The following XRN2 variants were observed in gnomAD, a reference collection of about 807,000 sequenced individuals.
XRN2 encodes DHM1-like protein.
A neutral mutation model predicts 138.5 loss-of-function variants in XRN2; 44 were observed. That is an observed-to-expected ratio of 0.32 (90% CI 0.25 to 0.41). The LOEUF (loss-of-function observed/expected upper bound fraction) is 0.41. XRN2 is among the 10% of genes least tolerant of loss of function. The probability of loss-of-function intolerance (pLI) is 1.00; values close to 1 mark genes in which losing one functional copy is unlikely to be tolerated. For missense variants in XRN2, 937 were observed against 1,169.3 expected, an observed-to-expected ratio of 0.80 and a Z score of 2.90; for synonymous variants, 354 against 369.4, an observed-to-expected ratio of 0.96 and a Z score of 0.48.
At chr20:21,359,071 C>T (rs978089786) in intron 24 of XRN2, among the ~76,000 whole-genome samples, 3 of 152,130 alleles carry the variant, frequency 2.0e-5, no homozygotes, top group African/African-American at 4.8e-5. Flanking sequence ...ATAGTTAATT[C>T]TACTTAACTT....
intron 14 of XRN2, among the ~76,000 whole-genome samples, chr20:21,340,011 A>G (rs544243176): frequency 1.4e-3 from 218 of 152,288 alleles, no homozygotes; most frequent in Non-Finnish European, 2.3e-3. Context: ...CTACTTATAT[A>G]TTATTATTTT....
At chr20:21,345,408 T>C (rs931044392) in intron 16 of XRN2, among the ~76,000 whole-genome samples, 1 of 152,178 alleles carries the variant, frequency 6.6e-6, no homozygotes, top group African/African-American at 2.4e-5. Flanking sequence ...ATATTTCTAA[T>C]TGTTATTCTG....
chr20:21,340,512 G>A (rs1013118623), intron 14 of XRN2, among the ~76,000 whole-genome samples: 2 of 152,132 alleles, frequency 1.3e-5, no homozygotes, highest in African/African-American at 4.8e-5. Context: ...GAGTTATTAA[G>A]TATTATAGGC....
chr20:21,374,547 A>T (rs968006647), intron 27 of XRN2, among the ~76,000 whole-genome samples: 2 of 152,086 alleles, frequency 1.3e-5, no homozygotes, highest in African/African-American at 4.8e-5. Flanking sequence ...TTTTTCTCTA[A>T]AACCTGGGGG....
chr20:21,309,943 T>G (rs901765304), intron 1 of XRN2, among the ~76,000 whole-genome samples: 3 of 152,182 alleles, frequency 2.0e-5, no homozygotes, highest in Non-Finnish European at 4.4e-5. Flanking sequence ...TTTTTCTGTT[T>G]TCTATTTCTT....
In XRN2 at chr20:21,330,676, A is replaced by G. The variant is rs370840647; in HGVS notation, c.547A>G (p.Asn183Asp). Residue 183 changes from asparagine (N) to aspartate (D), a missense_variant, in exon 6 of 30, where the codon AAT becomes GAT. Physicochemically the swap from Asn to Asp is conservative, Grantham distance 23. Around this residue, in one of 6 missense-constraint regions of XRN2, gnomAD observed 471 missense variants for 581.2 expected, o/e 0.81. Coordinates refer to ENST00000377191, the MANE Select transcript of XRN2 (RefSeq NM_012255.5). ...CLRYYIADRL[N>D]NDPGWKNLTV... Reference sequence around the variant, plus strand: ...TCGCTATTACATAGCTGATCGTTTAAATAATGACCCTGGGTGGAAAAATTT... The same window carrying G: ...TCGCTATTACATAGCTGATCGTTTAGATAATGACCCTGGGTGGAAAAATTT... 19 of 1,612,826 alleles carry G rather than the reference A, an allele frequency of 1.2e-5. No individual in the cohort carries two copies. Among genetic ancestry groups the G allele is most frequent in the Non-Finnish European group, 1.4e-5 (16 of 1,179,970 alleles).
At chr20:21,370,598 G>C (rs188978247) in intron 27 of XRN2, among the ~76,000 whole-genome samples, 156 of 152,296 alleles carry the variant, frequency 1.0e-3, no homozygotes, top group Non-Finnish European at 1.5e-3. Flanking sequence ...AATATAGCCA[G>C]GGACTGCTTT....
intron 24 of XRN2, among the ~76,000 whole-genome samples, chr20:21,362,340 T>G (rs6035855): frequency 2.6e-5 from 4 of 152,298 alleles, no homozygotes; most frequent in African/African-American, 9.6e-5. Flanking sequence ...ACGCTGGGAT[T>G]TTCTCTTCTC....
chr20:21,370,457 T>G (rs1311094571), intron 27 of XRN2, among the ~76,000 whole-genome samples: 1 of 152,190 alleles, frequency 6.6e-6, no homozygotes, highest in Non-Finnish European at 1.5e-5. Flanking sequence ...TATGAGGAAA[T>G]GATTGCAATT....
chr20:21,386,776 G>A (rs553268083), intron 28 of XRN2, 92 bp from the exon 29 acceptor site: 11 of 1,486,048 alleles, frequency 7.4e-6, no homozygotes, highest in Non-Finnish European at 1.0e-5. Context: ...AAATTGGATT[G>A]TACTAAAATT....
intron 1 of XRN2, chr20:21,303,815 G>C: frequency 1.9e-6 from 2 of 1,070,252 alleles, no homozygotes; most frequent in Non-Finnish European, 2.3e-6. Context: ...CTCGGAAGAG[G>C]TTCAGAGGCT....
chr20:21,361,130 C>T (rs1009722885), intron 24 of XRN2, among the ~76,000 whole-genome samples: 1 of 152,194 alleles, frequency 6.6e-6, no homozygotes, highest in Admixed American at 6.5e-5. Flanking sequence ...AAAAGGTGTT[C>T]TATATTCCAT....
At chr20:21,336,209 C>A (rs2038289759) in intron 13 of XRN2, among the ~76,000 whole-genome samples, 2 of 152,318 alleles carry the variant, frequency 1.3e-5, no homozygotes, top group African/African-American at 4.8e-5. Flanking sequence ...CCTTTAATCC[C>A]AGCACTTTGG....
intron 1 of XRN2, among the ~76,000 whole-genome samples, chr20:21,321,050 CTGTTG>C (rs1568569846): frequency 6.6e-6 from 1 of 151,940 alleles, no homozygotes; most frequent in Non-Finnish European, 1.5e-5. Context: ...GGGTCTCACT[CTGTTG>C]CCCAGGCTGG....
intron 6 of XRN2, 37 bp downstream of exon 6, chr20:21,330,742 G>T: frequency 6.4e-7 from 1 of 1,564,000 alleles, no homozygotes; most frequent in Non-Finnish European, 8.8e-7. Context: ...AAAGATTAGG[G>T]TGATCATTCG....
chr20:21,377,245 T>TATGATAC (rs1321166726), intron 27 of XRN2, among the ~76,000 whole-genome samples: 7 of 148,878 alleles, frequency 4.7e-5, no homozygotes, highest in African/African-American at 1.8e-4. Context: ...TAGTCCAACA[T>TATGATAC]ATGATTTGTC....
intron 13 of XRN2, among the ~76,000 whole-genome samples, chr20:21,338,530 A>G (rs978561100): frequency 7.2e-5 from 11 of 152,178 alleles, no homozygotes; most frequent in South Asian, 4.2e-4. Context: ...GTAGAGTCCC[A>G]CTTCTCTCTT....
At chr20:21,367,212 G>C (rs543232706) in intron 26 of XRN2, among the ~76,000 whole-genome samples, 1 of 152,068 alleles carries the variant, frequency 6.6e-6, no homozygotes, top group Non-Finnish European at 1.5e-5. Context: ...TTAGTTAACT[G>C]AATTGTCTTT....
chr20:21,338,927 A>G (rs2038335313), intron 13 of XRN2, 117 bp from the exon 14 acceptor site: 1 of 893,482 alleles, frequency 1.1e-6, no homozygotes, highest in Admixed American at 2.3e-5. Flanking sequence ...TCATGTACCT[A>G]GATTTCTGGG....
Sources: gnomAD v4.1 joint callset for allele counts (sites outside exome capture counted in the v4.1 genomes callset) on GRCh38, gnomAD v4.1.1 for gene constraint, gnomAD v4.1.1 regional missense constraint, MANE v1.5 for transcripts, NCBI Gene and HGNC (gene_info 2026-07-23, HGNC 2026-07-21) for gene names.